Variants in SNX8 observed in about 807,000 individuals in gnomAD.
SNX8 encodes sorting nexin 8, also known as sorting nexin-8.
Under a neutral mutation model 51.6 loss-of-function variants are expected in SNX8, and 25 were observed. That is an observed-to-expected ratio of 0.48 (90% CI 0.35 to 0.68). The LOEUF is 0.68. Ranked by LOEUF, SNX8 falls within the 30% of genes least tolerant of loss-of-function variation. SNX8 has a pLI of 0.00. For synonymous variants in SNX8, 324 were observed against 277.0 expected (o/e 1.17, Z -1.68); for missense variants, 695 against 624.0 (o/e 1.11, Z -1.21).
intron 1 of SNX8, among the ~76,000 whole-genome samples, chr7:2,289,625 T>C (rs1317027988): frequency 6.6e-6 from 1 of 152,010 alleles, no homozygotes. Flanking sequence ...TGTTTTTCTC[T>C]TTTTTTTAAT....
At chr7:2,332,326 A>G (rs1319867300) in intron 1 of SNX8, among the ~76,000 whole-genome samples, 1 of 152,068 alleles carries the variant, frequency 6.6e-6, no homozygotes, top group Non-Finnish European at 1.5e-5. Context: ...TTAGGACGTC[A>G]GCTCTTCCCA....
upstream of SNX8, among the ~76,000 whole-genome samples, chr7:2,317,621 T>C (rs2115220780): frequency 6.6e-6 from 1 of 152,038 alleles, no homozygotes; most frequent in African/African-American, 2.4e-5. Flanking sequence ...TCCGGGGAGT[T>C]GATTACAGAA....
intron 1 of SNX8, among the ~76,000 whole-genome samples, chr7:2,296,269 TCTC>T (rs1206786928): frequency 6.6e-6 from 1 of 151,966 alleles, no homozygotes; most frequent in African/African-American, 2.4e-5. Flanking sequence ...GTTTTATTGT[TCTC>T]CTTGTAGAGA....
intron 5 of SNX8, 135 bp downstream of exon 5, chr7:2,269,424 A>G (rs1795585690): frequency 2.3e-6 from 1 of 442,066 alleles, no homozygotes; most frequent in South Asian, 2.9e-5. Flanking sequence ...ACCTTTGTTC[A>G]CTTGTTTATC....
intron 1 of SNX8, among the ~76,000 whole-genome samples, chr7:2,310,642 C>G (rs1796640958): frequency 6.6e-6 from 1 of 152,094 alleles, no homozygotes; most frequent in Non-Finnish European, 1.5e-5. Context: ...TGGCAGGCAC[C>G]TGTAGTCCCA....
chr7:2,293,206 C>T (rs1312165097), intron 1 of SNX8, among the ~76,000 whole-genome samples: 1 of 147,780 alleles, frequency 6.8e-6, no homozygotes, highest in Non-Finnish European at 1.5e-5. Flanking sequence ...TCTCCAATTC[C>T]TAAGCTTAAG....
intron 1 of SNX8, among the ~76,000 whole-genome samples, chr7:2,289,190 G>A (rs966666583): frequency 5.3e-5 from 8 of 152,110 alleles, no homozygotes; most frequent in African/African-American, 1.9e-4. Context: ...TGTCCTCGTC[G>A]CCTCCTCCTC....
chr7:2,270,600 CT>C (rs370945935), intron 4 of SNX8, among the ~76,000 whole-genome samples: 7 of 152,162 alleles, frequency 4.6e-5, no homozygotes, highest in Non-Finnish European at 1.0e-4. Flanking sequence ...CCCACCGCCC[CT>C]CCCAGGTCCT....
At chr7:2,296,869 G>A (rs567163037) in intron 1 of SNX8, among the ~76,000 whole-genome samples, 2 of 152,004 alleles carry the variant, frequency 1.3e-5, no homozygotes, top group East Asian at 3.9e-4. Context: ...GGCAGAGGTT[G>A]CAGTGAGCTG....
intron 7 of SNX8, among the ~76,000 whole-genome samples, chr7:2,261,851 A>G (rs1795344490): frequency 6.6e-6 from 1 of 152,224 alleles, no homozygotes. Flanking sequence ...TCCAGCTTAA[A>G]AAGCCCCGAC....
intron 1 of SNX8, among the ~76,000 whole-genome samples, chr7:2,296,550 C>T (rs1757602305): frequency 6.6e-6 from 1 of 151,956 alleles, no homozygotes; most frequent in South Asian, 2.1e-4. Flanking sequence ...TTCCTCTCTT[C>T]CAATCCAGAT....
At chr7:2,284,617 G>A (rs1255998234) in intron 1 of SNX8, among the ~76,000 whole-genome samples, 2 of 151,134 alleles carry the variant, frequency 1.3e-5, no homozygotes, top group African/African-American at 4.9e-5. Context: ...CGTTGGCCAG[G>A]CTGGTCTCGA....
intron 1 of SNX8, among the ~76,000 whole-genome samples, chr7:2,345,774 T>C (rs935748875): frequency 3.3e-5 from 5 of 152,152 alleles, no homozygotes; most frequent in African/African-American, 1.2e-4. Flanking sequence ...TTCTGCATCA[T>C]TAGAGGATAC....
intron 1 of SNX8, 27 bp from the exon 2 acceptor site, chr7:2,278,332 T>G (rs766762886): frequency 1.5e-6 from 2 of 1,369,990 alleles, no homozygotes; most frequent in South Asian, 1.3e-5. Flanking sequence ...GAATGACCAG[T>G]GAGAATAGCT....
chr7:2,333,072 T>C (rs368773801), intron 1 of SNX8, among the ~76,000 whole-genome samples: 34 of 151,764 alleles, frequency 2.2e-4, no homozygotes, highest in African/African-American at 8.2e-4. Flanking sequence ...AGTTCTTTTT[T>C]GTTTCTTTTA....
At chr7:2,327,393 CCA>C (rs1389834693) in intron 1 of SNX8, among the ~76,000 whole-genome samples, 7 of 150,770 alleles carry the variant, frequency 4.6e-5, no homozygotes, top group Admixed American at 6.6e-5. Flanking sequence ...GCGCCCACCA[CCA>C]TGCCTGGCTA....
chr7:2,308,484 A>G (rs1796594470), intron 1 of SNX8, among the ~76,000 whole-genome samples: 9 of 151,882 alleles, frequency 5.9e-5, no homozygotes, highest in Admixed American at 5.9e-4. Flanking sequence ...CCTGGTCAAC[A>G]TGGTAAAACC....
At chr7:2,256,119 C>A (rs1334998539) in intron 10 of SNX8, among the ~76,000 whole-genome samples, 1 of 152,244 alleles carries the variant, frequency 6.6e-6, no homozygotes, top group East Asian at 1.9e-4. Flanking sequence ...AACCTGGTCC[C>A]TGAGACCCTG....
intron 1 of SNX8, 35 bp downstream of exon 1, chr7:2,314,293 G>A (rs1316890877): frequency 5.7e-6 from 7 of 1,218,498 alleles, no homozygotes; most frequent in Non-Finnish European, 6.1e-6. Context: ...CGCGCGCCCT[G>A]GGCAGGTGGG....
Sources: gnomAD v4.1 joint callset for allele counts (sites outside exome capture counted in the v4.1 genomes callset) on GRCh38, gnomAD v4.1.1 for gene constraint, MANE v1.5 for transcripts, NCBI Gene and HGNC (gene_info 2026-07-23, HGNC 2026-07-21) for gene names.